ZSCAN9: variants seen among roughly 807,000 people sequenced by gnomAD.
The protein encoded by ZSCAN9 is zinc finger and SCAN domain containing 9.
A neutral mutation model predicts 23.0 loss-of-function variants in ZSCAN9; 19 were observed. The observed-to-expected ratio is 0.83, with a 90% CI of 0.58 to 1.21. ZSCAN9 has a LOEUF of 1.21. Ranked by LOEUF, ZSCAN9 falls within the 50% of genes most tolerant of loss-of-function variation. ZSCAN9 has a pLI of 0.00. For synonymous variants in ZSCAN9, 155 were observed against 164.8 expected, an observed-to-expected ratio of 0.94 and a Z score of 0.46; for missense variants, 467 against 471.5, an observed-to-expected ratio of 0.99 and a Z score of 0.09.
At chr6:28,228,843 ATCT>A (rs958631195) in intron 3 of ZSCAN9, 2 of 154,342 alleles carry the variant, frequency 1.3e-5, no homozygotes, top group African/African-American at 4.8e-5. Context: ...CTTCTCTGTA[ATCT>A]TCTGAGTGGT....
rs1760084689 is a variant in ZSCAN9, at chr6:28,225,331, G to GT, written c.-108dup. ...CCGCGCTTCTAGCAACGCCGGGCCG[G>GT]TAACCCCCTCTCCCTCCTTGCGCGT... On this transcript the variant is annotated 5_prime_UTR_variant, in exon 1 of 4. Transcript: ENST00000252207. The GT allele has an allele frequency of 6.6e-6, 1 of 152,172 alleles. No individual in the cohort carries two copies. The highest frequency in any genetic ancestry group is 1.5e-5 in the Non-Finnish European group (1 of 68,056). 9.4% of individuals were successfully genotyped at this position (152,172 alleles called of 1,614,324 possible). A position where few individuals can be genotyped will look rare whatever the true frequency, so the allele number is the denominator to read the frequency against.
rs538412226 is a variant in ZSCAN9 at position 28,232,391 on chromosome 6, A to G, written c.569-171A>G. 2.0e-5 allele frequency among the ~76,000 whole-genome samples: 3 copies of G among 152,214 alleles called. No homozygotes were observed. The East Asian group carries it at 5.8e-4, about 29-fold the overall frequency. On this transcript the variant is annotated intron_variant, in intron 3 of 3. Coordinates refer to ENST00000252207, the MANE Select transcript of ZSCAN9 (RefSeq NM_006299.5). Reference sequence around the variant, plus strand: ...TCTACATGGGGATGGACTGACCTGCATTATGCCAAAGAGGGCAAACGTTCC... The same window carrying G: ...TCTACATGGGGATGGACTGACCTGCGTTATGCCAAAGAGGGCAAACGTTCC...
Position 28,227,490 on chromosome 6 carries a change from G to C in ZSCAN9, c.406G>C (p.Glu136Gln). 2 of 1,599,442 alleles carry C rather than the reference G, an allele frequency of 1.3e-6. No homozygotes were observed. Among genetic ancestry groups the C allele is most frequent in the Non-Finnish European group, 1.7e-6 (2 of 1,173,390 alleles). ...GGAGGATCTGGAGAGAGAGCTCGAT[G>C]AACCACAACATGAGGTAGGAAGGGA... is the stretch of plus-strand genomic sequence containing the variant. ...LLEDLERELD[E>Q]PQHEMVAHRH... Residue 136 changes from glutamate to glutamine, a missense_variant, in exon 2 of 4, where the codon GAA (glutamate) becomes CAA (glutamine). Transcript: ENST00000252207.
In ZSCAN9 at chr6:28,232,966, C is replaced by G; in HGVS notation, c.973C>G (p.Leu325Val). The change falls in exon 4 of 4, where the codon CTT becomes GTT. Residue 325 changes from leucine (L) to valine (V), a missense_variant. Physicochemically the swap from Leu to Val is conservative, Grantham distance 32. Transcript: ENST00000252207. ...GAAGGTCTTCAGTCAGAGTGCGGGT[C>G]TTATCCAGCATCAGAGAATCCACAA... is the stretch of plus-strand genomic sequence containing the variant. ...CGKVFSQSAG[L>V]IQHQRIHKGE... 6.2e-7 allele frequency: 1 copy of G among 1,614,156 alleles called. No individual in the cohort carries two copies. Among genetic ancestry groups the G allele is most frequent in the Non-Finnish European group, 8.5e-7 (1 of 1,180,034 alleles).
intron 3 of ZSCAN9, among the ~76,000 whole-genome samples, chr6:28,230,894 G>C (rs78526066): frequency 2.0e-5 from 3 of 152,136 alleles, no homozygotes; most frequent in Non-Finnish European, 4.4e-5. Flanking sequence ...AAGCGAGAGA[G>C]TGGGCCTTGC....
At chr6:28,229,087 G>A (rs1760209681) in intron 3 of ZSCAN9, 1 of 152,104 alleles carries the variant, frequency 6.6e-6, no homozygotes, top group Non-Finnish European at 1.5e-5. Flanking sequence ...AACTTCCCTT[G>A]CCTCTTTGTC....
chr6:28,232,403 A>T (rs1217798276), intron 3 of ZSCAN9, among the ~76,000 whole-genome samples, 159 bp from the exon 4 acceptor site: 1 of 152,214 alleles, frequency 6.6e-6, no homozygotes, highest in African/African-American at 2.4e-5. Context: ...TATGCCAAAG[A>T]GGGCAAACGT....
At chr6:28,227,607 C>T in intron 2 of ZSCAN9, 83 bp from the exon 3 acceptor site, 3 of 1,574,728 alleles carry the variant, frequency 1.9e-6, no homozygotes, top group African/African-American at 1.4e-5. Context: ...AAAATACTCT[C>T]TTCCTGTTTC....
intron 3 of ZSCAN9, among the ~76,000 whole-genome samples, chr6:28,231,712 C>T (rs997993882): frequency 7.0e-6 from 1 of 143,516 alleles, no homozygotes; most frequent in Middle Eastern, 3.7e-3. Context: ...CAAGGGGCAA[C>T]AGAGTGAGAC....
At chr6:28,226,435 T>A (rs941317289) in intron 1 of ZSCAN9, among the ~76,000 whole-genome samples, 1 of 152,276 alleles carries the variant, frequency 6.6e-6, no homozygotes. Flanking sequence ...TTTCTCTAAG[T>A]TGATGTTTAT....
chr6:28,230,977 T>C (rs2299030), intron 3 of ZSCAN9, among the ~76,000 whole-genome samples: 4,827 of 152,206 alleles, frequency 0.032, 89 homozygotes, highest in East Asian at 0.069. Flanking sequence ...GAATGCACCT[T>C]GGATAATTGT....
rs143301975 is a variant in ZSCAN9 at position 28,233,026 on chromosome 6, A to G, written c.1033A>G (p.Lys345Glu). The change falls in exon 4 of 4, where the codon AAG (lysine) becomes GAG (glutamate). Residue 345 changes from lysine (K) to glutamate (E), a missense_variant. Coordinates refer to ENST00000252207, the MANE Select transcript of ZSCAN9 (RefSeq NM_006299.5). ...EKPYQCSQCSKSYSRRSFLIE... is the reference protein window; with the variant it reads ...EKPYQCSQCSESYSRRSFLIE... ...GCCGTATCAGTGCAGCCAGTGCAGTAAGAGCTACAGTCGGCGTTCATTTCT... is the reference window on the plus strand; with the variant it reads ...GCCGTATCAGTGCAGCCAGTGCAGTGAGAGCTACAGTCGGCGTTCATTTCT... The G allele has an allele frequency of 2.5e-5, 40 of 1,614,068 alleles. No individual in the cohort carries two copies. The highest frequency in any genetic ancestry group is 3.2e-5 in the Non-Finnish European group (38 of 1,180,022).
chr6:28,228,125 T>G, intron 3 of ZSCAN9: 1 of 670,100 alleles, frequency 1.5e-6, no homozygotes, highest in South Asian at 1.6e-5. Context: ...ACTTCAAGGT[T>G]TGACAGACAG....
intron 3 of ZSCAN9, among the ~76,000 whole-genome samples, chr6:28,229,860 CTTT>C (rs754834015): frequency 2.8e-5 from 4 of 140,592 alleles, no homozygotes. Context: ...CCATATTTTT[CTTT>C]TTTTTTTTTT....
chr6:28,227,394 C>T lies in ZSCAN9; in HGVS notation c.310C>T (p.Leu104=). The change falls in exon 2 of 4, where the codon CTG becomes TTG. Residue 104 remains leucine (L), a synonymous_variant. Coordinates refer to ENST00000252207, the MANE Select transcript of ZSCAN9 (RefSeq NM_006299.5). ...GGTGCTGGAGCAGTTTCTATCCATT[C>T]TGCCCAAGGAGCTCCAGGGCTGGGT... is the stretch of plus-strand genomic sequence containing the variant. ...LLVLEQFLSI[L]PKELQGWVRE... 6.2e-7 allele frequency: 1 copy of T among 1,614,224 alleles called. No homozygotes were observed. Among genetic ancestry groups the T allele is most frequent in the Non-Finnish European group, 8.5e-7 (1 of 1,180,042 alleles).
chr6:28,225,366 C>T lies in ZSCAN9; in HGVS notation c.-74C>T, dbSNP rs987851623. On this transcript the variant is annotated splice_region_variant and 5_prime_UTR_variant, in exon 1 of 4. Coordinates refer to ENST00000252207, the MANE Select transcript of ZSCAN9 (RefSeq NM_006299.5). Reference sequence around the variant, plus strand: ...CTCCCTCCTTGCGCGTTCCGGGTCTCGTGAGTTGGCTGTGGGGACCGGGAA... The same window carrying T: ...CTCCCTCCTTGCGCGTTCCGGGTCTTGTGAGTTGGCTGTGGGGACCGGGAA... 2.0e-5 allele frequency: 3 copies of T among 152,022 alleles called. No homozygotes were observed. Among genetic ancestry groups the T allele is most frequent in the African/African-American group, 7.2e-5 (3 of 41,452 alleles). The allele number at this position is 152,022 out of a possible 1,614,324, so 9.4% of individuals were successfully genotyped here.
chr6:28,226,970 A>G lies in ZSCAN9; in HGVS notation c.-73-42A>G, dbSNP rs1206738431. 4 of 832,594 alleles carry G rather than the reference A, an allele frequency of 4.8e-6. No individual in the cohort carries two copies. The East Asian group carries it at 1.1e-4, about 23-fold the overall frequency. The allele number at this position is 832,594 out of a possible 1,614,324, so 51.6% of individuals were successfully genotyped here. A position where few individuals can be genotyped will look rare whatever the true frequency, so the allele number is the denominator to read the frequency against. On this transcript the variant is annotated intron_variant, in intron 1 of 3. Coordinates refer to ENST00000252207, the MANE Select transcript of ZSCAN9 (RefSeq NM_006299.5). The stretch of plus-strand genomic sequence containing the variant: ...GTATTATCAGTTTCTGTCATCAGCT[A>G]TTATCATTTTTCTATATAAATAATT...
chr6:28,232,492 A>G (rs749527066), intron 3 of ZSCAN9, 70 bp from the exon 4 acceptor site: 12 of 1,530,144 alleles, frequency 7.8e-6, no homozygotes, highest in African/African-American at 2.8e-5. Flanking sequence ...ATATATTTTT[A>G]TAGACATAGT....
At chr6:28,232,481 G>T in intron 3 of ZSCAN9, 81 bp from the exon 4 acceptor site, 1 of 1,522,260 alleles carries the variant, frequency 6.6e-7, no homozygotes, top group Non-Finnish European at 8.8e-7. Flanking sequence ...CCTTTTCTAT[G>T]ATATATTTTT....
Sources: gnomAD v4.1 joint callset for allele counts (sites outside exome capture counted in the v4.1 genomes callset) on GRCh38, gnomAD v4.1.1 for gene constraint, MANE v1.5 for transcripts, NCBI Gene and HGNC (gene_info 2026-07-23, HGNC 2026-07-21) for gene names.